The following C2CD3 variants were observed in gnomAD, a reference collection of about 807,000 sequenced individuals.
The protein encoded by C2CD3 is C2 domain containing 3 centriole elongation regulator.
C2CD3 carries 148 observed loss-of-function variants against 234.0 expected under a neutral mutation model. The ratio of observed to expected loss-of-function variants is 0.63; its 90% CI spans 0.55 to 0.72. The LOEUF is 0.72. Ranked by LOEUF, C2CD3 falls within the 30% of genes least tolerant of loss-of-function variation. The pLI is 0.00. For missense variants in C2CD3, 2,577 were observed against 2,811.5 expected (o/e 0.92, Z 1.89); for synonymous variants, 1,000 against 1,035.4 (o/e 0.97, Z 0.66).
At chr11:74,055,730 T>G (rs151329142) in intron 25 of C2CD3, among the ~76,000 whole-genome samples, 1 of 152,240 alleles carries the variant, frequency 6.6e-6, no homozygotes, top group Non-Finnish European at 1.5e-5. Flanking sequence ...CAAGTTGCTA[T>G]GAAGATCAAA....
At position 74,033,474 on chromosome 11, in the gene C2CD3, G is replaced by A. The variant is rs538628212; in HGVS notation, c.6686C>T (p.Pro2229Leu). 25 of 1,536,192 alleles carry A rather than the reference G, an allele frequency of 1.6e-5. No homozygotes were observed. The highest frequency in any genetic ancestry group is 7.3e-5 in the East Asian group (3 of 40,914). Residue 2229 changes from proline (P) to leucine (L), a missense_variant, in exon 31 of 33, where the codon CCG becomes CTG. By Grantham distance (98) the Pro-to-Leu change is moderately conservative (BLOSUM62 -3). Coordinates refer to ENST00000334126, the MANE Select transcript of C2CD3 (RefSeq NM_001286577.2). ...TCTGCTCTGGGAGGCTAGATTTAGC[G>A]GCAACTTCTTGAAGCTATCAGCAGA... ...GDSADSFKKL[P>L]LNLASQSRRE...
intron 9 of C2CD3, among the ~76,000 whole-genome samples, chr11:74,116,890 GTATA>G (rs1356696410): frequency 8.9e-6 from 1 of 112,626 alleles, no homozygotes; most frequent in Admixed American, 8.8e-5. Flanking sequence ...ATACACACGT[GTATA>G]TATACACACG....
At chr11:74,100,714 ATACCTGAG>A in intron 14 of C2CD3, 38 bp from the exon 15 acceptor site, 1 of 1,537,940 alleles carries the variant, frequency 6.5e-7, no homozygotes, top group East Asian at 2.3e-5. Context: ...CAAAAAACTC[ATACCTGAG>A]ACAAATATTA....
In C2CD3 at chr11:74,119,718, C is replaced by G. The variant is rs547909736; in HGVS notation, c.1366-1336G>C. Reference sequence around the variant, plus strand: ...TGGCGCAATCTCCGCTCACTGCAACCTCTGCCTCCCAGGTTCCAGTGATTC... The same window carrying G: ...TGGCGCAATCTCCGCTCACTGCAACGTCTGCCTCCCAGGTTCCAGTGATTC... On this transcript the variant is annotated intron_variant, in intron 8 of 32. Coordinates refer to ENST00000334126, the MANE Select transcript of C2CD3 (RefSeq NM_001286577.2). Among the ~76,000 whole-genome samples the G allele has an allele frequency of 2.2e-4, 33 of 151,754 alleles. 1 individual carries two copies. The South Asian group carries it at 6.3e-3, about 29-fold the overall frequency.
rs552271284 is a variant in C2CD3, at chr11:74,082,347, C to T, written c.4000+2534G>A. ...AGCCAGGATGGTCTCAATCTCCTGACCTTGTGATCCGCCCACCTCGGCCTC... is the reference window on the plus strand; with the variant it reads ...AGCCAGGATGGTCTCAATCTCCTGATCTTGTGATCCGCCCACCTCGGCCTC... On this transcript the variant is annotated intron_variant, in intron 22 of 32. Transcript: ENST00000334126. Among the ~76,000 whole-genome samples the T allele has an allele frequency of 4.1e-4, 63 of 152,156 alleles. 1 individual carries two copies. The highest frequency in any genetic ancestry group is 2.2e-4 in the Non-Finnish European group (15 of 68,010).
At chr11:74,137,698 C>T (rs1264000927) in intron 5 of C2CD3, among the ~76,000 whole-genome samples, 1 of 151,922 alleles carries the variant, frequency 6.6e-6, no homozygotes, top group Admixed American at 6.6e-5. Context: ...GATTCTCCTG[C>T]CTCAGCCTCC....
At chr11:74,130,115 T>TGGGTAG (rs1565328338) in intron 7 of C2CD3, 1 of 9,006 alleles carries the variant, frequency 1.1e-4, no homozygotes, top group African/African-American at 4.6e-4. Flanking sequence ...AGGGAGACCG[T>TGGGTAG]GGGGAGGGGG....
intron 24 of C2CD3, among the ~76,000 whole-genome samples, chr11:74,060,708 G>T (rs142982019): frequency 0.057 from 8,661 of 152,242 alleles, 784 homozygotes; most frequent in African/African-American, 0.2. Flanking sequence ...AAATCAGAGC[G>T]CCTCTCCTCC....
chr11:74,075,076 T>A (rs1195927453), intron 23 of C2CD3, among the ~76,000 whole-genome samples: 1 of 152,074 alleles, frequency 6.6e-6, no homozygotes, highest in Non-Finnish European at 1.5e-5. Flanking sequence ...AGAGCAAGAC[T>A]CTGTCTCAAA....
chr11:74,018,686 T>C (rs986795255), intron 32 of C2CD3, among the ~76,000 whole-genome samples: 14 of 152,114 alleles, frequency 9.2e-5, no homozygotes, highest in Non-Finnish European at 8.8e-5. Context: ...TAGAACTTCC[T>C]TGATACTACA....
At chr11:74,057,319 T>C in intron 25 of C2CD3, 87 bp downstream of exon 25, 4 of 1,387,294 alleles carry the variant, frequency 2.9e-6, no homozygotes, top group Non-Finnish European at 4.0e-6. Flanking sequence ...GCTCAAAAAT[T>C]GTGTTGGTTA....
intron 29 of C2CD3, among the ~76,000 whole-genome samples, chr11:74,041,807 T>C (rs1215552106): frequency 6.6e-6 from 1 of 152,202 alleles, no homozygotes; most frequent in East Asian, 1.9e-4. Context: ...CTGAAGCTCC[T>C]ACATTTACAG....
At chr11:74,107,741 A>G (rs1376179614) in intron 12 of C2CD3, 3 of 152,256 alleles carry the variant, frequency 2.0e-5, no homozygotes, top group African/African-American at 7.2e-5. Flanking sequence ...CAATGCAGAT[A>G]GTCATAAATG....
Position 74,028,412 on chromosome 11 carries a change from T to C in C2CD3, c.6810-14A>G. On this transcript the variant is annotated splice_polypyrimidine_tract_variant and intron_variant, in intron 31 of 32. Coordinates refer to ENST00000334126, the MANE Select transcript of C2CD3 (RefSeq NM_001286577.2). ...ATGGGCCCTGGGCTACAATGGTAGT[T>C]AAGGGACAAAAATACCTAGAAGTCC... 2 of 1,514,900 alleles carry C rather than the reference T, an allele frequency of 1.3e-6. No homozygotes were observed. The highest frequency in any genetic ancestry group is 1.8e-6 in the Non-Finnish European group (2 of 1,129,662). 93.8% of individuals were successfully genotyped at this position (1,514,900 alleles called of 1,614,324 possible). A position where few individuals can be genotyped will look rare whatever the true frequency, so the allele number is the denominator to read the frequency against.
intron 7 of C2CD3, 112 bp from the exon 8 acceptor site, chr11:74,123,247 CA>C (rs1305601500): frequency 1.4e-6 from 1 of 715,536 alleles, no homozygotes; most frequent in African/African-American, 1.8e-5. Flanking sequence ...ATATGTTAAA[CA>C]AAAGACTCAC....
chr11:74,023,109 G>A (rs1952153987), intron 32 of C2CD3, among the ~76,000 whole-genome samples: 1 of 152,264 alleles, frequency 6.6e-6, no homozygotes, highest in African/African-American at 2.4e-5. Flanking sequence ...CTGTTTCACA[G>A]ATGCTTCCAG....
intron 24 of C2CD3, among the ~76,000 whole-genome samples, chr11:74,062,752 GA>G (rs1268527020): frequency 6.6e-6 from 1 of 151,254 alleles, no homozygotes. Context: ...AAAGCTAGCA[GA>G]AGGGAAGAAA....
intron 5 of C2CD3, 47 bp downstream of exon 5, chr11:74,138,673 C>G: frequency 6.7e-7 from 1 of 1,492,918 alleles, no homozygotes; most frequent in Non-Finnish European, 9.3e-7. Flanking sequence ...GCAGAGCAAT[C>G]CCATAAACGT....
In C2CD3 at chr11:74,114,479, G is replaced by A. The variant is rs779659739; in HGVS notation, c.1635C>T (p.Ile545=). 5.0e-6 allele frequency: 8 copies of A among 1,613,634 alleles called. No individual in the cohort carries two copies. Among genetic ancestry groups the A allele is most frequent in the South Asian group, 1.1e-5 (1 of 91,074 alleles). The change falls in exon 10 of 33, where the codon ATC becomes ATT. Residue 545 remains isoleucine, a synonymous_variant. Coordinates refer to ENST00000334126, the MANE Select transcript of C2CD3 (RefSeq NM_001286577.2). ...LGRTHSVRII[I]ETMGVPPDSP... ...TATCTGGAGGAACTCCCATGGTTTC[G>A]ATGATGATTCTGACTGAATGTGTTC...
Sources: gnomAD v4.1 joint callset for allele counts (sites outside exome capture counted in the v4.1 genomes callset) on GRCh38, gnomAD v4.1.1 for gene constraint, MANE v1.5 for transcripts, NCBI Gene and HGNC (gene_info 2026-07-23, HGNC 2026-07-21) for gene names.